The following MAP2K4 variants were observed in gnomAD, a reference collection of about 807,000 sequenced individuals.
The protein encoded by MAP2K4 is dual specificity mitogen-activated protein kinase kinase 4.
MAP2K4 carries 4 observed loss-of-function variants against 48.5 expected under a neutral mutation model. That is an observed-to-expected ratio of 0.08 (90% CI 0.04 to 0.19). MAP2K4 has a LOEUF of 0.19. Ranked by LOEUF, MAP2K4 falls within the 10% of genes least tolerant of loss-of-function variation. The pLI, the probability that MAP2K4 is intolerant of heterozygous loss-of-function variation, is 1.00. For missense variants in MAP2K4, 258 were observed against 493.3 expected (o/e 0.52, Z 4.52); for synonymous variants, 166 against 173.1 (o/e 0.96, Z 0.32).
chr17:12,138,248 C>T (rs1973265234), intron 9 of MAP2K4, among the ~76,000 whole-genome samples: 1 of 152,030 alleles, frequency 6.6e-6, no homozygotes, highest in African/African-American at 2.4e-5. Context: ...GGATGCTGAC[C>T]CCCTGTACAG....
chr17:12,138,025 A>C (rs1025537342), intron 9 of MAP2K4, among the ~76,000 whole-genome samples: 30 of 152,174 alleles, frequency 2.0e-4, no homozygotes, highest in African/African-American at 7.0e-4. Flanking sequence ...AATAAGACTA[A>C]CAGCAGATTT....
chr17:12,086,560 G>A (rs1346274463), intron 3 of MAP2K4, among the ~76,000 whole-genome samples: 1 of 152,162 alleles, frequency 6.6e-6, no homozygotes, highest in Non-Finnish European at 1.5e-5. Flanking sequence ...AATCAGTACT[G>A]TTCGGGGTTA....
intron 4 of MAP2K4, among the ~76,000 whole-genome samples, chr17:12,099,593 A>G (rs1035906076): frequency 5.3e-5 from 8 of 152,196 alleles, no homozygotes; most frequent in African/African-American, 1.4e-4. Context: ...GGATGGAACC[A>G]ACCTCAAAAA....
chr17:12,032,441 A>G (rs1338208967), intron 1 of MAP2K4: 1 of 411,684 alleles, frequency 2.4e-6, no homozygotes, highest in East Asian at 3.5e-5. Context: ...CTTCTTCCAA[A>G]TATTAAAAAA....
At chr17:12,060,572 T>G (rs545773840) in intron 2 of MAP2K4, among the ~76,000 whole-genome samples, 7 of 152,214 alleles carry the variant, frequency 4.6e-5, no homozygotes, top group Non-Finnish European at 7.3e-5. Flanking sequence ...TTGGAAGTTT[T>G]TTTCTGTCTC....
In MAP2K4 at chr17:12,129,273, C is replaced by G. The variant is rs1355990355; in HGVS notation, c.1026C>G (p.Asn342Lys). 1 of 1,614,238 alleles carries G rather than the reference C, an allele frequency of 6.2e-7. No homozygotes were observed. The highest frequency in any genetic ancestry group is 8.5e-7 in the Non-Finnish European group (1 of 1,180,038). ...GGGAATTCTCCCCGAGTTTCATCAA[C>G]TTTGTCAACTTGTGGTGAGTACCTG... ...EEREFSPSFI[N>K]FVNLCLTKDE... Residue 342 changes from asparagine to lysine, a missense_variant, in exon 9 of 11, where the codon AAC becomes AAG. By Grantham distance (94) the Asn-to-Lys change is moderately conservative (BLOSUM62 0). Transcript: ENST00000353533.
chr17:12,090,253 G>A (rs550242542), intron 3 of MAP2K4, among the ~76,000 whole-genome samples: 25 of 152,288 alleles, frequency 1.6e-4, no homozygotes, highest in Admixed American at 1.2e-3. Context: ...GGTTATTTGG[G>A]AGAATCAGTA....
intron 6 of MAP2K4, 88 bp downstream of exon 6, chr17:12,110,514 TATA>T: frequency 6.6e-6 from 6 of 904,938 alleles, no homozygotes; most frequent in Non-Finnish European, 1.1e-5. Flanking sequence ...AGTGTCACTG[TATA>T]AACTTTCCTA....
At chr17:12,062,945 T>A (rs1970498902) in intron 2 of MAP2K4, among the ~76,000 whole-genome samples, 1 of 151,256 alleles carries the variant, frequency 6.6e-6, no homozygotes, top group South Asian at 2.1e-4. Context: ...TCCCCTTACC[T>A]TTCTTTTTCC....
chr17:12,058,178 T>A (rs897211966), intron 2 of MAP2K4, among the ~76,000 whole-genome samples: 2 of 152,008 alleles, frequency 1.3e-5, no homozygotes, highest in Non-Finnish European at 2.9e-5. Flanking sequence ...TGCCCCCTTT[T>A]TATTTTAGGG....
intron 3 of MAP2K4, among the ~76,000 whole-genome samples, chr17:12,091,462 C>T (rs924585383): frequency 3.9e-5 from 6 of 152,154 alleles, no homozygotes; most frequent in East Asian, 1.9e-4. Flanking sequence ...TCTATTACCG[C>T]GGCCTAATCC....
intron 2 of MAP2K4, among the ~76,000 whole-genome samples, chr17:12,080,468 C>T (rs1201124188): frequency 6.6e-6 from 1 of 152,082 alleles, no homozygotes; most frequent in African/African-American, 2.4e-5. Flanking sequence ...TACTTTTTTA[C>T]AAAGCATGGT....
intron 8 of MAP2K4, among the ~76,000 whole-genome samples, chr17:12,127,598 T>C (rs1972893424): frequency 6.6e-6 from 1 of 152,228 alleles, no homozygotes; most frequent in Non-Finnish European, 1.5e-5. Context: ...GACAGTCTTA[T>C]AAAAATTGTG....
chr17:12,055,493 C>T (rs951172329), intron 2 of MAP2K4, among the ~76,000 whole-genome samples: 28 of 152,106 alleles, frequency 1.8e-4, no homozygotes, highest in African/African-American at 6.7e-4. Flanking sequence ...CCATCCTAAC[C>T]TATCATGAAA....
At chr17:12,044,186 G>T (rs1488877747) in intron 1 of MAP2K4, among the ~76,000 whole-genome samples, 1 of 152,190 alleles carries the variant, frequency 6.6e-6, no homozygotes, top group Non-Finnish European at 1.5e-5. Flanking sequence ...AGGTACTTCT[G>T]TAGCAAAATT....
Position 12,110,401 on chromosome 17 carries a change from A to G in MAP2K4, c.660A>G (p.Lys220=), listed in dbSNP as rs1474175284. The change falls in exon 6 of 11, where the codon AAA becomes AAG. Residue 220 remains lysine, a synonymous_variant. Coordinates refer to ENST00000353533, the MANE Select transcript of MAP2K4 (RefSeq NM_003010.4). ...CTGTGAAAGCACTAAACCACTTAAA[A>G]GAAAACTTGAAAATTATTCACAGAG... is the stretch of plus-strand genomic sequence containing the variant. The part of the protein sequence containing the change: ...LATVKALNHL[K]ENLKIIHRDI... 6.2e-7 allele frequency: 1 copy of G among 1,611,254 alleles called. No homozygotes were observed. Among genetic ancestry groups the G allele is most frequent in the Non-Finnish European group, 8.5e-7 (1 of 1,177,984 alleles).
At chr17:12,043,092 T>G (rs570614158) in intron 1 of MAP2K4, among the ~76,000 whole-genome samples, 93 of 152,286 alleles carry the variant, frequency 6.1e-4, no homozygotes, top group East Asian at 7.7e-4. Context: ...TGCTAGGTAT[T>G]TGAAGGACAT....
intron 1 of MAP2K4, chr17:12,021,341 C>G (rs1969039761): frequency 6.0e-6 from 1 of 165,836 alleles, no homozygotes; most frequent in South Asian, 2.0e-4. Flanking sequence ...CGCCCGGCCC[C>G]CGTTTCCGGG....
intron 7 of MAP2K4, among the ~76,000 whole-genome samples, chr17:12,117,263 C>G (rs1454589405): frequency 6.6e-6 from 1 of 152,156 alleles, no homozygotes; most frequent in East Asian, 1.9e-4. Flanking sequence ...CATCCCCATT[C>G]CAAAAATGCA....
Sources: gnomAD v4.1 joint callset for allele counts (sites outside exome capture counted in the v4.1 genomes callset) on GRCh38, gnomAD v4.1.1 for gene constraint, MANE v1.5 for transcripts, NCBI Gene and HGNC (gene_info 2026-07-23, HGNC 2026-07-21) for gene names.